SPIRE2: variants seen among roughly 807,000 people sequenced by gnomAD.
The protein encoded by SPIRE2 is protein spire homolog 2.
SPIRE2 carries 76 observed loss-of-function variants against 80.7 expected under a neutral mutation model. The observed-to-expected ratio is 0.94, with a 90% CI of 0.78 to 1.14. The LOEUF (loss-of-function observed/expected upper bound fraction) is 1.14. SPIRE2 is among the 50% of genes most tolerant of loss of function. The pLI is 0.00. For synonymous variants in SPIRE2, 535 were observed against 432.6 expected, an observed-to-expected ratio of 1.24 and a Z score of -2.94; for missense variants, 1,196 against 1,015.3, an observed-to-expected ratio of 1.18 and a Z score of -2.42.
chr16:89,869,865 T>C (rs2041823986), intron 14 of SPIRE2, among the ~76,000 whole-genome samples, 183 bp downstream of exon 14: 2 of 151,890 alleles, frequency 1.3e-5, no homozygotes, highest in Non-Finnish European at 2.9e-5. Flanking sequence ...AGATGGAAAC[T>C]GGACTTGGGT....
chr16:89,869,005 T>C (rs2041812521), intron 13 of SPIRE2, among the ~76,000 whole-genome samples: 1 of 108,680 alleles, frequency 9.2e-6, no homozygotes, highest in African/African-American at 3.8e-5. Context: ...TACTCCAGCC[T>C]GGGCAATAGA....
At chr16:89,830,726 G>A (rs2041370992) in intron 1 of SPIRE2, among the ~76,000 whole-genome samples, 1 of 150,884 alleles carries the variant, frequency 6.6e-6, no homozygotes, top group Non-Finnish European at 1.5e-5. Context: ...AATATGGGCA[G>A]TAGGTGTGTA....
intron 1 of SPIRE2, among the ~76,000 whole-genome samples, chr16:89,834,677 C>G (rs2041425930): frequency 8.0e-6 from 1 of 124,866 alleles, no homozygotes; most frequent in Non-Finnish European, 1.7e-5. Context: ...TGTGAACCTG[C>G]CCGCACTCGC....
In SPIRE2 at chr16:89,852,574, T is replaced by C. The variant is rs550435919; in HGVS notation, c.646-1712T>C. On this transcript the variant is annotated intron_variant, in intron 3 of 14. Coordinates refer to ENST00000378247, the MANE Select transcript of SPIRE2 (RefSeq NM_032451.2). The stretch of plus-strand genomic sequence containing the variant: ...CATCTTCCGTCCTCTCCCCACCCCC[T>C]GGATCCCCTGGCCCATCTTCCATCC... Among the ~76,000 whole-genome samples, 19 of 2,556 alleles carry C rather than the reference T, an allele frequency of 7.4e-3. 1 individual carries two copies. The highest frequency in any genetic ancestry group is 1 in the Middle Eastern group (2 of 2). 1.7% of individuals were successfully genotyped at this position (2,556 alleles called of 152,430 possible).
At chr16:89,837,538 C>T (rs2041461808) in intron 1 of SPIRE2, among the ~76,000 whole-genome samples, 2 of 152,202 alleles carry the variant, frequency 1.3e-5, no homozygotes, top group Admixed American at 6.5e-5. Context: ...CTGCTGTGAC[C>T]AGCGGTGGGG....
rs2041352788 is a variant in SPIRE2, at chr16:89,828,914, C to A, written c.244+120C>A. 2 of 789,464 alleles carry A rather than the reference C, an allele frequency of 2.5e-6. No individual in the cohort carries two copies. The highest frequency in any genetic ancestry group is 3.3e-6 in the Non-Finnish European group (2 of 609,522). 48.9% of individuals were successfully genotyped at this position (789,464 alleles called of 1,614,324 possible). A position where few individuals can be genotyped will look rare whatever the true frequency, so the allele number is the denominator to read the frequency against. ...CGGTTCTGGAGCGGGAGATCCCCTT[C>A]TCTGCGGGACCCGGAGCTCCCTCCC... is the stretch of plus-strand genomic sequence containing the variant. On this transcript the variant is annotated intron_variant, in intron 1 of 14. Coordinates refer to ENST00000378247, the MANE Select transcript of SPIRE2 (RefSeq NM_032451.2). The surrounding 1 kb of genome is among the most constrained non-coding windows in gnomAD (Gnocchi z 5.9).
At chr16:89,845,255 G>A (rs894226917) in intron 1 of SPIRE2, 67 bp from the exon 2 acceptor site, 190 of 1,421,560 alleles carry the variant, frequency 1.3e-4, no homozygotes, top group Middle Eastern at 3.5e-4. Context: ...GGGAGGTGGG[G>A]GGACAGCAGT....
Position 89,855,816 on chromosome 16 carries a change from G to T in SPIRE2, c.978+130G>T, listed in dbSNP as rs531471134. On this transcript the variant is annotated intron_variant, in intron 6 of 14. Transcript: ENST00000378247. The stretch of plus-strand genomic sequence containing the variant: ...AGGTGTCCCAGTGCGTCTGCGTCAC[G>T]GGTGAGGCGGGCTGGCTTCCTCTTG... 58 of 982,772 alleles carry T rather than the reference G, an allele frequency of 5.9e-5. No individual in the cohort carries two copies. The East Asian group carries it at 1.4e-3, about 24-fold the overall frequency. 60.9% of individuals were successfully genotyped at this position (982,772 alleles called of 1,614,324 possible).
chr16:89,840,245 CTTTTTTTT>C (rs778083127), intron 1 of SPIRE2, among the ~76,000 whole-genome samples: 1 of 133,272 alleles, frequency 7.5e-6, no homozygotes, highest in African/African-American at 2.7e-5. Flanking sequence ...AACCTGTCAT[CTTTTTTTT>C]TTTTTTTTTT....
At chr16:89,869,450 C>G in intron 13 of SPIRE2, 117 bp from the exon 14 acceptor site, 1 of 679,912 alleles carries the variant, frequency 1.5e-6, no homozygotes, top group Non-Finnish European at 2.6e-6. Context: ...AGAATATTCT[C>G]CAGGAAGCCC....
rs868480497 is a variant in SPIRE2 at position 89,860,719 on chromosome 16, C to T, written c.1499C>T (p.Pro500Leu). ...GCGAGTGTCTCTGACCCCAGCCACCCCCTACTCAGCAACCGGGGCTCCTCG... is the reference window on the plus strand; with the variant it reads ...GCGAGTGTCTCTGACCCCAGCCACCTCCTACTCAGCAACCGGGGCTCCTCG... ...CPASVSDPSH[P>L]LLSNRGSSGD... Residue 500 changes from proline to leucine, a missense_variant, in exon 10 of 15, where the codon CCC becomes CTC. Pro to Leu is a moderately conservative substitution (Grantham distance 98). Coordinates refer to ENST00000378247, the MANE Select transcript of SPIRE2 (RefSeq NM_032451.2). 6.3e-7 allele frequency: 1 copy of T among 1,592,064 alleles called. No individual in the cohort carries two copies. Among genetic ancestry groups the T allele is most frequent in the Non-Finnish European group, 8.5e-7 (1 of 1,169,918 alleles).
intron 3 of SPIRE2, 132 bp from the exon 4 acceptor site, chr16:89,854,154 A>T: frequency 1.2e-6 from 1 of 834,074 alleles, no homozygotes; most frequent in Non-Finnish European, 1.9e-6. Context: ...CTGGGCCAAA[A>T]TGCCCAGCTG....
chr16:89,866,636 T>C (rs2041791702), intron 12 of SPIRE2, among the ~76,000 whole-genome samples: 1 of 136,914 alleles, frequency 7.3e-6, no homozygotes, highest in African/African-American at 2.8e-5. Context: ...TGAGATGGAA[T>C]CTCACTCTGT....
At chr16:89,842,548 A>T (rs1466483242) in intron 1 of SPIRE2, among the ~76,000 whole-genome samples, 1 of 152,112 alleles carries the variant, frequency 6.6e-6, no homozygotes, top group Admixed American at 6.6e-5. Context: ...TTTTTTGTTA[A>T]CCTATGGAGT....
Position 89,844,911 on chromosome 16 carries a change from T to C in SPIRE2, c.245-411T>C, listed in dbSNP as rs951613609. Among the ~76,000 whole-genome samples the C allele has an allele frequency of 4.6e-5, 7 of 152,192 alleles. No homozygotes were observed. In the East Asian group the frequency reaches 1.3e-3, roughly 29 times the overall value. ...TACTCCACCTGCCCCTCCTTCACTC[T>C]TACTCCCAGCCATGTTTCCCTAGGG... On this transcript the variant is annotated intron_variant, in intron 1 of 14. Transcript: ENST00000378247.
intron 9 of SPIRE2, 60 bp from the exon 10 acceptor site, chr16:89,860,623 C>T: frequency 2.5e-6 from 3 of 1,181,864 alleles, no homozygotes; most frequent in Non-Finnish European, 3.7e-6. Flanking sequence ...CCCCTGGGCA[C>T]AGTCCTCTTT....
chr16:89,851,556 C>T (rs757837201), intron 3 of SPIRE2, among the ~76,000 whole-genome samples: 9 of 152,136 alleles, frequency 5.9e-5, no homozygotes, highest in South Asian at 2.1e-4. Context: ...TGCTAGGCTC[C>T]GACGTGGCTC....
At chr16:89,864,243 T>C (rs577077567) in intron 12 of SPIRE2, among the ~76,000 whole-genome samples, 1 of 152,060 alleles carries the variant, frequency 6.6e-6, no homozygotes, top group Admixed American at 6.6e-5. Context: ...GCTGCCGGAC[T>C]CCCCAGATGG....
chr16:89,848,193 C>T (rs1352491414), intron 2 of SPIRE2, among the ~76,000 whole-genome samples: 1 of 152,240 alleles, frequency 6.6e-6, no homozygotes, highest in East Asian at 1.9e-4. Flanking sequence ...GAGGGGCCCT[C>T]AGATTCCTCT....
Sources: gnomAD v4.1 joint callset for allele counts (sites outside exome capture counted in the v4.1 genomes callset) on GRCh38, gnomAD v4.1.1 for gene constraint, Gnocchi (gnomAD v3.1) non-coding constraint, MANE v1.5 for transcripts, NCBI Gene and HGNC (gene_info 2026-07-23, HGNC 2026-07-21) for gene names.